FAM114A1: variants seen among roughly 807,000 people sequenced by gnomAD.
FAM114A1 encodes the protein protein NOXP20.
FAM114A1 carries 62 observed loss-of-function variants against 64.3 expected under a neutral mutation model. That is an observed-to-expected ratio of 0.96 (90% CI 0.79 to 1.19). The LOEUF is 1.19. FAM114A1 is among the 50% of genes most tolerant of loss of function. The pLI is 0.00. For synonymous variants in FAM114A1, 254 were observed against 251.1 expected, an observed-to-expected ratio of 1.01 and a Z score of -0.11; for missense variants, 645 against 676.3, an observed-to-expected ratio of 0.95 and a Z score of 0.51.
intron 2 of FAM114A1, among the ~76,000 whole-genome samples, chr4:38,875,388 C>T (rs756714799): frequency 1.1e-4 from 17 of 152,144 alleles, no homozygotes; most frequent in Non-Finnish European, 1.2e-4. Context: ...TCTTTCATCT[C>T]CCTGATTAGC....
chr4:38,936,089 G>GT lies in FAM114A1; in HGVS notation c.1536+307dup, dbSNP rs923779409. 9.0e-5 allele frequency among the ~76,000 whole-genome samples: 13 copies of GT among 144,568 alleles called. No individual in the cohort carries two copies. The East Asian group carries it at 9.7e-4, about 11-fold the overall frequency. 94.8% of individuals were successfully genotyped at this position (144,568 alleles called of 152,430 possible). ...TGTTTGTTTGTTTGATTTTTGTTTT[G>GT]TTTTTTTTGTTTTTTTTTTTTGAGA... is the stretch of plus-strand genomic sequence containing the variant. On this transcript the variant is annotated intron_variant, in intron 13 of 14. Transcript: ENST00000358869.
At chr4:38,913,895 C>T (rs1037460924) in intron 7 of FAM114A1, among the ~76,000 whole-genome samples, 57 of 150,206 alleles carry the variant, frequency 3.8e-4, no homozygotes, top group Admixed American at 1.7e-3. Context: ...GTCAGGAGTT[C>T]GAGACCAGCC....
chr4:38,887,272 C>T (rs73811251), intron 3 of FAM114A1, among the ~76,000 whole-genome samples: 1,815 of 152,280 alleles, frequency 0.012, 42 homozygotes, highest in African/African-American at 0.038. Flanking sequence ...TTAGGCTTCA[C>T]GTGAATCTCA....
At chr4:38,894,651 C>T (rs139932650) in intron 4 of FAM114A1, among the ~76,000 whole-genome samples, 1 of 152,312 alleles carries the variant, frequency 6.6e-6, no homozygotes, top group African/African-American at 2.4e-5. Flanking sequence ...AATGGGCGAG[C>T]TGTCAGTCCG....
chr4:38,889,585 G>A (rs1213696577), intron 3 of FAM114A1, among the ~76,000 whole-genome samples: 1 of 152,032 alleles, frequency 6.6e-6, no homozygotes, highest in East Asian at 1.9e-4. Flanking sequence ...CTATACTTAT[G>A]GCTCTTATGC....
intron 4 of FAM114A1, among the ~76,000 whole-genome samples, chr4:38,899,946 A>C (rs1211760779): frequency 6.6e-6 from 1 of 152,148 alleles, no homozygotes; most frequent in Non-Finnish European, 1.5e-5. Context: ...ACAGGACCTT[A>C]TAAGCTCATA....
At position 38,905,946 on chromosome 4, in the gene FAM114A1, A is replaced by C. The variant is rs190858161; in HGVS notation, c.657+85A>C. On this transcript the variant is annotated intron_variant, in intron 6 of 14. Transcript: ENST00000358869. ...TTCCATTTACCAGTGACCTAGATAC[A>C]TCAGAGAAACGATGGCCTTGCTCAG... The C allele has an allele frequency of 1.7e-4, 208 of 1,198,702 alleles. No homozygotes were observed. In the African/African-American group the frequency reaches 3.0e-3, roughly 17 times the overall value. The allele number at this position is 1,198,702 out of a possible 1,614,324, so 74.3% of individuals were successfully genotyped here.
chr4:38,876,194 C>T (rs1327047691), intron 2 of FAM114A1, among the ~76,000 whole-genome samples: 4 of 113,502 alleles, frequency 3.5e-5, no homozygotes, highest in Admixed American at 1.1e-4. Context: ...TTTTTTGAGA[C>T]GGTCTCGCTT....
chr4:38,933,188 G>T, intron 12 of FAM114A1, among the ~76,000 whole-genome samples: 1 of 152,094 alleles, frequency 6.6e-6, no homozygotes, highest in East Asian at 1.9e-4. Flanking sequence ...CATTATGTTA[G>T]CAAGAAGAAG....
chr4:38,930,794 A>C (rs759429276), intron 10 of FAM114A1, among the ~76,000 whole-genome samples: 29 of 152,290 alleles, frequency 1.9e-4, no homozygotes, highest in Non-Finnish European at 2.6e-4. Flanking sequence ...GCAGGGGAGG[A>C]GGTTTCTGAT....
chr4:38,908,777 A>C (rs773298352), intron 7 of FAM114A1, 51 bp downstream of exon 7: 1 of 1,461,442 alleles, frequency 6.8e-7, no homozygotes, highest in Admixed American at 2.0e-5. Context: ...AAAGTAAATA[A>C]ATTTTTTATT....
intron 10 of FAM114A1, among the ~76,000 whole-genome samples, chr4:38,931,056 G>A (rs1184854985): frequency 6.6e-6 from 1 of 152,066 alleles, no homozygotes; most frequent in Non-Finnish European, 1.5e-5. Flanking sequence ...TGTAGCCGCG[G>A]CCCCATGGCT....
Position 38,935,721 on chromosome 4 carries a change from A to G in FAM114A1, c.1467A>G (p.Leu489=). 1 of 1,585,300 alleles carries G rather than the reference A, an allele frequency of 6.3e-7. No homozygotes were observed. The highest frequency in any genetic ancestry group is 8.6e-7 in the Non-Finnish European group (1 of 1,168,106). Residue 489 remains leucine, a synonymous_variant, in exon 13 of 15, where the codon TTA becomes TTG. Transcript: ENST00000358869. The stretch of plus-strand genomic sequence containing the variant: ...TTTTTTTTTTTTCTTCTTTCAGATT[A>G]ACTACTGCAATGTGCAATGAAGTGG... ...AQDQAKVLIK[L]TTAMCNEVAS... is the part of the protein sequence containing the mutation.
chr4:38,908,792 T>A, intron 7 of FAM114A1, 66 bp downstream of exon 7: 1 of 1,403,208 alleles, frequency 7.1e-7, no homozygotes, highest in Non-Finnish European at 9.6e-7. Context: ...TTTATTTATC[T>A]TTTTGAATAG....
chr4:38,942,601 C>T (rs1721659902), intron 14 of FAM114A1, among the ~76,000 whole-genome samples: 1 of 152,142 alleles, frequency 6.6e-6, no homozygotes, highest in Non-Finnish European at 1.5e-5. Flanking sequence ...TTTAAATGGC[C>T]TCTCCATCCA....
intron 4 of FAM114A1, among the ~76,000 whole-genome samples, chr4:38,905,187 A>G (rs1717866974): frequency 6.6e-6 from 1 of 152,168 alleles, no homozygotes; most frequent in African/African-American, 2.4e-5. Flanking sequence ...ACCTGAGGTC[A>G]GGAGTTCAAG....
At chr4:38,911,585 A>G (rs1177047939) in intron 7 of FAM114A1, among the ~76,000 whole-genome samples, 5 of 152,198 alleles carry the variant, frequency 3.3e-5, no homozygotes, top group African/African-American at 9.7e-5. Flanking sequence ...GATTCTGGCT[A>G]TAATTTGAAG....
chr4:38,876,160 T>C lies in FAM114A1; in HGVS notation c.-8-1911T>C, dbSNP rs531061912. Among the ~76,000 whole-genome samples the C allele has an allele frequency of 1.3e-3, 153 of 122,152 alleles. 1 individual carries two copies. The highest frequency in any genetic ancestry group is 5.3e-3 in the African/African-American group (129 of 24,256). The allele number at this position is 122,152 out of a possible 152,430, so 80.1% of individuals were successfully genotyped here. On this transcript the variant is annotated intron_variant, in intron 2 of 14. Transcript: ENST00000358869. ...AGTGCTCAGGTATTTTCTAGACTTA[T>C]TCTTTTTTCTTTTTTTTTTTTTTTT...
At chr4:38,933,079 C>T (rs973131616) in intron 12 of FAM114A1, among the ~76,000 whole-genome samples, 1 of 152,102 alleles carries the variant, frequency 6.6e-6, no homozygotes, top group Non-Finnish European at 1.5e-5. Flanking sequence ...GTCTCCATCT[C>T]TTGACCTTGT....
Sources: allele counts gnomAD v4.1 joint callset (sites outside exome capture counted in the v4.1 genomes callset), GRCh38; gene constraint gnomAD v4.1.1; transcripts MANE v1.5; gene names NCBI Gene and HGNC (gene_info 2026-07-23, HGNC 2026-07-21).